Variants in PCDH15 observed in about 807,000 individuals in gnomAD.
PCDH15 encodes protocadherin-15.
In PCDH15, 129 loss-of-function variants were observed where a neutral mutation model predicts 178.5. The ratio of observed to expected loss-of-function variants is 0.72; its 90% CI spans 0.63 to 0.84. The LOEUF (loss-of-function observed/expected upper bound fraction) is 0.84, where lower values mean the gene tolerates loss of function less well. PCDH15 is among the 40% of genes least tolerant of loss of function. The pLI, the probability that PCDH15 is intolerant of heterozygous loss-of-function variation, is 0.00. For missense variants in PCDH15, 2,230 were observed against 2,099.9 expected, an observed-to-expected ratio of 1.06 and a Z score of -1.21; for synonymous variants, 800 against 732.0, an observed-to-expected ratio of 1.09 and a Z score of -1.50.
chr10:54,336,199 GAC>G (rs1036937306), intron 6 of PCDH15, among the ~76,000 whole-genome samples: 2 of 152,110 alleles, frequency 1.3e-5, no homozygotes, highest in African/African-American at 4.8e-5. Flanking sequence ...TTAAAAGTGA[GAC>G]AGAGCATAAA....
chr10:54,262,228 C>T (rs938298518), intron 8 of PCDH15, among the ~76,000 whole-genome samples: 9 of 152,090 alleles, frequency 5.9e-5, no homozygotes, highest in Non-Finnish European at 1.0e-4. Context: ...ACCCTAGGTG[C>T]CCATCCCACA....
chr10:54,541,250 C>T (rs1045082595), intron 2 of PCDH15, among the ~76,000 whole-genome samples: 1 of 152,016 alleles, frequency 6.6e-6, no homozygotes, highest in African/African-American at 2.4e-5. Flanking sequence ...CAGGAAACCT[C>T]GATGACATCA....
intron 1 of PCDH15, among the ~76,000 whole-genome samples, chr10:54,740,943 C>A (rs1944720685): frequency 2.0e-5 from 3 of 151,798 alleles, no homozygotes; most frequent in Non-Finnish European, 2.9e-5. Context: ...GGCACAATTT[C>A]TAGCATTTAA....
intron 2 of PCDH15, among the ~76,000 whole-genome samples, chr10:55,600,318 G>A (rs1244095044): frequency 1.3e-5 from 2 of 151,460 alleles, no homozygotes; most frequent in East Asian, 3.9e-4. Context: ...GAGCGGAGAT[G>A]GTGCCACTGC....
chr10:54,598,087 G>A lies in PCDH15; in HGVS notation c.91+66085C>T, dbSNP rs142068802. 5.3e-4 allele frequency among the ~76,000 whole-genome samples: 80 copies of A among 152,018 alleles called. 1 individual carries two copies. The East Asian group carries it at 0.013, about 25-fold the overall frequency. Reference sequence around the variant, plus strand: ...AGAGTTGGTGCATTCCTACTGAAACGGTTCCCCCACAATTGAGAAGGGACT... The same window carrying A: ...AGAGTTGGTGCATTCCTACTGAAACAGTTCCCCCACAATTGAGAAGGGACT... On this transcript the variant is annotated intron_variant, in intron 2 of 37. Transcript: ENST00000644397.
At chr10:53,991,964 C>G (rs1023172294) in intron 21 of PCDH15, among the ~76,000 whole-genome samples, 1 of 152,098 alleles carries the variant, frequency 6.6e-6, no homozygotes, top group Non-Finnish European at 1.5e-5. Context: ...CGCTCGGGTC[C>G]CCTTCCACCC....
At chr10:53,841,813 A>G (rs1589044204) in intron 28 of PCDH15, among the ~76,000 whole-genome samples, 1 of 152,220 alleles carries the variant, frequency 6.6e-6, no homozygotes, top group Admixed American at 6.5e-5. Flanking sequence ...TTCACTTGGA[A>G]AATATCAGTT....
At chr10:54,781,390 A>C (rs977747444) in intron 1 of PCDH15, among the ~76,000 whole-genome samples, 2 of 152,134 alleles carry the variant, frequency 1.3e-5, no homozygotes, top group African/African-American at 2.4e-5. Context: ...AATTTAATAC[A>C]TCTATGTAGA....
chr10:54,992,301 G>C (rs1043836869), intron 2 of PCDH15, among the ~76,000 whole-genome samples: 1 of 152,076 alleles, frequency 6.6e-6, no homozygotes. Context: ...ATAACTACTG[G>C]TCAAAACATG....
chr10:54,725,082 T>C (rs1325755179), intron 1 of PCDH15, among the ~76,000 whole-genome samples: 1 of 151,466 alleles, frequency 6.6e-6, no homozygotes, highest in East Asian at 1.9e-4. Flanking sequence ...TTTTATGAAT[T>C]TGTATGCCAG....
chr10:54,110,318 TA>T (rs35932845), intron 15 of PCDH15, among the ~76,000 whole-genome samples: 2,595 of 135,650 alleles, frequency 0.019, 62 homozygotes, highest in African/African-American at 0.061. Flanking sequence ...GTGGAAAGAT[TA>T]AAAAAAAAAA....
intron 8 of PCDH15, among the ~76,000 whole-genome samples, chr10:54,274,616 T>TTGTGTGTGTGTGTGTGTG (rs3069673): frequency 1.2e-4 from 18 of 144,750 alleles, no homozygotes; most frequent in South Asian, 2.2e-4. Flanking sequence ...CTCAGTTTAA[T>TTGTGTGTGTGTGTGTGTG]TGTGTGTGTG....
rs575819166 is a variant in PCDH15, at chr10:55,012,449, C to T, written c.-79-114949G>A. Among the ~76,000 whole-genome samples the T allele has an allele frequency of 3.0e-4, 46 of 152,178 alleles. No individual in the cohort carries two copies. The Middle Eastern group carries it at 0.017, about 57-fold the overall frequency. On this transcript the variant is annotated intron_variant, in intron 2 of 5. Transcript: ENST00000458638. ...GCTACCTAACTGTGGCCATATCTTT[C>T]TCCTCTATAAAGCCAATGTTTCAAA...
intron 15 of PCDH15, among the ~76,000 whole-genome samples, chr10:54,132,308 C>A (rs1271006834): frequency 2.6e-5 from 4 of 152,110 alleles, no homozygotes; most frequent in African/African-American, 9.7e-5. Flanking sequence ...TTGCAAGTAA[C>A]ACATATGCTC....
intron 9 of PCDH15, among the ~76,000 whole-genome samples, chr10:54,217,121 A>G (rs1335728513): frequency 1.3e-5 from 2 of 152,192 alleles, no homozygotes; most frequent in Non-Finnish European, 2.9e-5. Flanking sequence ...GAACACGTGG[A>G]GAGGATAAAC....
At chr10:54,952,110 G>T (rs1197682730) in intron 2 of PCDH15, among the ~76,000 whole-genome samples, 1 of 151,724 alleles carries the variant, frequency 6.6e-6, no homozygotes, top group East Asian at 1.9e-4. Context: ...AAAAGCCATT[G>T]TAAAACCCAT....
At chr10:54,293,993 A>G (rs1011557526) in intron 8 of PCDH15, among the ~76,000 whole-genome samples, 2 of 152,238 alleles carry the variant, frequency 1.3e-5, no homozygotes, top group Non-Finnish European at 2.9e-5. Flanking sequence ...ATTATAAATC[A>G]TGCTACTATA....
chr10:55,032,259 CAA>C (rs1840630688), intron 2 of PCDH15, among the ~76,000 whole-genome samples: 1 of 152,096 alleles, frequency 6.6e-6, no homozygotes, highest in Non-Finnish European at 1.5e-5. Flanking sequence ...TACAAAGTGG[CAA>C]AGGCTAGGCT....
At chr10:55,460,188 T>C (rs989827633) in intron 2 of PCDH15, among the ~76,000 whole-genome samples, 3 of 151,738 alleles carry the variant, frequency 2.0e-5, no homozygotes, top group Admixed American at 1.3e-4. Context: ...TGTAAAAGAA[T>C]ATTATTAATA....
Sources: gnomAD v4.1 joint callset for allele counts (sites outside exome capture counted in the v4.1 genomes callset) on GRCh38, gnomAD v4.1.1 for gene constraint, MANE v1.5 for transcripts, NCBI Gene and HGNC (gene_info 2026-07-23, HGNC 2026-07-21) for gene names.